The following HS6ST3 variants were observed in gnomAD, a reference collection of about 807,000 sequenced individuals.
HS6ST3 encodes heparan sulfate 6-O-sulfotransferase 3.
Under a neutral mutation model 36.7 loss-of-function variants are expected in HS6ST3, and 12 were observed. The observed-to-expected ratio is 0.33, with a 90% CI of 0.21 to 0.53. The LOEUF (loss-of-function observed/expected upper bound fraction) is 0.53. Among genes scored for constraint, HS6ST3 ranks in the 20% least tolerant of loss-of-function variants. The probability of loss-of-function intolerance (pLI) is 0.95; values close to 1 mark genes in which losing one functional copy is unlikely to be tolerated. For missense variants in HS6ST3, 584 were observed against 640.9 expected, an observed-to-expected ratio of 0.91 and a Z score of 0.96; for synonymous variants, 240 against 257.5, an observed-to-expected ratio of 0.93 and a Z score of 0.65.
At chr13:96,158,652 CAA>C (rs397954592) in intron 1 of HS6ST3, among the ~76,000 whole-genome samples, 11 of 68,892 alleles carry the variant, frequency 1.6e-4, no homozygotes, top group South Asian at 7.1e-4. Flanking sequence ...GACTCCGTCT[CAA>C]AAAAAAAAAA....
intron 1 of HS6ST3, among the ~76,000 whole-genome samples, chr13:96,514,202 T>A (rs766908050): frequency 6.6e-6 from 1 of 152,132 alleles, no homozygotes; most frequent in Non-Finnish European, 1.5e-5. Context: ...GTCATAACCC[T>A]GAGATTCAGT....
chr13:96,220,424 G>A (rs962156609), intron 1 of HS6ST3, among the ~76,000 whole-genome samples: 20 of 152,086 alleles, frequency 1.3e-4, no homozygotes, highest in Non-Finnish European at 2.8e-4. Flanking sequence ...AAGGGTGTGA[G>A]GTAGAGCAGT....
chr13:96,627,570 C>T (rs1448212496), intron 1 of HS6ST3, among the ~76,000 whole-genome samples: 1 of 151,876 alleles, frequency 6.6e-6, no homozygotes, highest in Non-Finnish European at 1.5e-5. Flanking sequence ...TTTTTCTATT[C>T]TCTGAAGTGG....
At chr13:96,824,491 T>C (rs541979941) in intron 1 of HS6ST3, among the ~76,000 whole-genome samples, 142 of 152,340 alleles carry the variant, frequency 9.3e-4, no homozygotes, top group African/African-American at 3.2e-3. Context: ...GGCCTTTTCG[T>C]AGCTGTGTCA....
At chr13:96,426,383 A>C (rs1450993388) in intron 1 of HS6ST3, among the ~76,000 whole-genome samples, 1 of 152,208 alleles carries the variant, frequency 6.6e-6, no homozygotes, top group Non-Finnish European at 1.5e-5. Flanking sequence ...AAGTGCTTGC[A>C]TGGCTGACAA....
chr13:96,686,627 A>C (rs1252066556), intron 1 of HS6ST3, among the ~76,000 whole-genome samples: 1 of 152,156 alleles, frequency 6.6e-6, no homozygotes, highest in East Asian at 1.9e-4. Context: ...CAGCGGGCCT[A>C]TGTGTCCTGC....
chr13:96,782,614 C>T (rs527299412), intron 1 of HS6ST3, among the ~76,000 whole-genome samples: 2 of 152,202 alleles, frequency 1.3e-5, no homozygotes, highest in African/African-American at 4.8e-5. Context: ...ATTTATTTTG[C>T]CCTTAAGTTC....
chr13:96,793,103 A>G (rs1469833967), intron 1 of HS6ST3, among the ~76,000 whole-genome samples: 1 of 152,026 alleles, frequency 6.6e-6, no homozygotes, highest in Non-Finnish European at 1.5e-5. Context: ...TCTCGCCAGC[A>G]TACCCTCATA....
rs142981172 is a variant in HS6ST3, at chr13:96,662,697, T to A, written c.708-169793T>A. Reference sequence around the variant, plus strand: ...ATGGGAATGTCACAACACTCAATCTTTTAATGGTGCCAGAGTTCTTTTGTT... The same window carrying A: ...ATGGGAATGTCACAACACTCAATCTATTAATGGTGCCAGAGTTCTTTTGTT... On this transcript the variant is annotated intron_variant, in intron 1 of 1. Transcript: ENST00000376705. Among the ~76,000 whole-genome samples the A allele has an allele frequency of 9.9e-3, 1,512 of 152,282 alleles. 21 individuals carry two copies. The highest frequency in any genetic ancestry group is 0.015 in the Non-Finnish European group (1,001 of 68,014).
chr13:96,431,168 C>T (rs368158374), intron 1 of HS6ST3, among the ~76,000 whole-genome samples: 58 of 152,000 alleles, frequency 3.8e-4, no homozygotes, highest in African/African-American at 1.3e-3. Flanking sequence ...TGCTCCACTG[C>T]GCTCCAGCCT....
At chr13:96,390,160 A>G (rs1239372679) in intron 1 of HS6ST3, among the ~76,000 whole-genome samples, 2 of 152,200 alleles carry the variant, frequency 1.3e-5, no homozygotes, top group African/African-American at 2.4e-5. Context: ...TGTAATTTCT[A>G]TATCATTCAA....
chr13:96,767,324 CCACATATA>C (rs1877142957), intron 1 of HS6ST3, among the ~76,000 whole-genome samples: 1 of 152,094 alleles, frequency 6.6e-6, no homozygotes, highest in Admixed American at 6.5e-5. Context: ...GTACATACAC[CCACATATA>C]CACATGCACC....
At chr13:96,471,231 T>C (rs2055838653) in intron 1 of HS6ST3, among the ~76,000 whole-genome samples, 1 of 152,212 alleles carries the variant, frequency 6.6e-6, no homozygotes, top group Admixed American at 6.5e-5. Flanking sequence ...ACATTTATCT[T>C]GGATGTCCTC....
chr13:96,277,274 C>T (rs7324999), intron 1 of HS6ST3, among the ~76,000 whole-genome samples: 51,368 of 151,986 alleles, frequency 0.34, 9,076 homozygotes, highest in Non-Finnish European at 0.39. Flanking sequence ...TTACCTGTGA[C>T]GTTATGGTTG....
intron 1 of HS6ST3, among the ~76,000 whole-genome samples, chr13:96,390,589 G>A (rs2055390611): frequency 6.6e-6 from 1 of 152,170 alleles, no homozygotes; most frequent in African/African-American, 2.4e-5. Context: ...TGTTATAACA[G>A]CCAGAGCAGA....
intron 1 of HS6ST3, among the ~76,000 whole-genome samples, chr13:96,823,758 T>G (rs906025758): frequency 6.6e-4 from 100 of 152,248 alleles, no homozygotes; most frequent in African/African-American, 2.3e-3. Flanking sequence ...TAGCTGGGAT[T>G]ACAGTCGCAT....
intron 1 of HS6ST3, among the ~76,000 whole-genome samples, chr13:96,473,986 G>A (rs1223973648): frequency 6.6e-6 from 1 of 152,158 alleles, no homozygotes; most frequent in East Asian, 1.9e-4. Flanking sequence ...CAAATGTGGT[G>A]AGCATTCCTG....
At chr13:96,115,834 A>G (rs998607007) in intron 1 of HS6ST3, among the ~76,000 whole-genome samples, 1 of 152,164 alleles carries the variant, frequency 6.6e-6, no homozygotes, top group Non-Finnish European at 1.5e-5. Flanking sequence ...GTCTTCCACA[A>G]CGGTTGAACT....
chr13:96,405,616 A>G (rs886292842), intron 1 of HS6ST3, among the ~76,000 whole-genome samples: 7 of 152,172 alleles, frequency 4.6e-5, no homozygotes, highest in African/African-American at 1.7e-4. Context: ...TTTTTCTTAA[A>G]TATTAAGCGC....
Sources: gnomAD v4.1 joint callset for allele counts (sites outside exome capture counted in the v4.1 genomes callset) on GRCh38, gnomAD v4.1.1 for gene constraint, MANE v1.5 for transcripts, NCBI Gene and HGNC (gene_info 2026-07-23, HGNC 2026-07-21) for gene names.